The following PCDHA9 variants were observed in gnomAD, a reference collection of about 807,000 sequenced individuals.
PCDHA9 encodes protocadherin alpha-9.
Under a neutral mutation model 62.0 loss-of-function variants are expected in PCDHA9, and 62 were observed. That is an observed-to-expected ratio of 1.00 (90% CI 0.81 to 1.23). The LOEUF (loss-of-function observed/expected upper bound fraction) is 1.23. PCDHA9 is among the 50% of genes most tolerant of loss of function. PCDHA9 has a pLI of 0.00. For missense variants in PCDHA9, 1,205 were observed against 1,249.8 expected (o/e 0.96, Z 0.54); for synonymous variants, 557 against 567.6 (o/e 0.98, Z 0.27).
In PCDHA9 at chr5:140,876,316, A is replaced by G. The variant is rs782671827; in HGVS notation, c.2394+25427A>G. ...TAATGGAGAAATTTCCTATGGGATC[A>G]AAATGATTTTGCCAGTGAGTGAGAA... is the stretch of plus-strand genomic sequence containing the variant. On this transcript the variant is annotated intron_variant, in intron 1 of 3. Transcript: ENST00000532602. 4 of 1,613,952 alleles carry G rather than the reference A, an allele frequency of 2.5e-6. No individual in the cohort carries two copies. Among genetic ancestry groups the G allele is most frequent in the Admixed American group, 3.3e-5 (2 of 60,018 alleles).
chr5:140,966,740 C>T lies in PCDHA9; in HGVS notation c.2395-12209C>T, dbSNP rs782420339. 10 of 1,422,580 alleles carry T rather than the reference C, an allele frequency of 7.0e-6. No individual in the cohort carries two copies. In the Admixed American group the frequency reaches 8.4e-5, roughly 12 times the overall value. 88.1% of individuals were successfully genotyped at this position (1,422,580 alleles called of 1,614,324 possible). ...GGAAGCTGCCGCCTCCGGCCCTGCC[C>T]GGCTGCCTCCGCCGCGGCCAGTGGC... On this transcript the variant is annotated intron_variant, in intron 1 of 3. Transcript: ENST00000532602.
In PCDHA9 at chr5:140,849,467, TA is replaced by T. The variant is rs2040919541; in HGVS notation, c.975del (p.Gly326AlafsTer18). ...ACAAGATCCCAGTCGAGGCTGTCGA[TA>T]AAGGCTTCCCACCCCTGGCTGGTCA... ...AHKIPVEAVDKGFPPLAGHCT... is the reference protein window; with the variant it reads ...AHKIPVEAVDXGFPPLAGHCT... On this transcript the variant is annotated frameshift_variant, in exon 1 of 4. Transcript: ENST00000532602. LOFTEE classifies it high-confidence loss of function. 6.3e-7 allele frequency: 1 copy of T among 1,589,264 alleles called. No individual in the cohort carries two copies. Among genetic ancestry groups the T allele is most frequent in the African/African-American group, 1.4e-5 (1 of 72,844 alleles).
chr5:140,997,133 C>G (rs1554255761), intron 3 of PCDHA9, among the ~76,000 whole-genome samples: 1 of 152,092 alleles, frequency 6.6e-6, no homozygotes, highest in Non-Finnish European at 1.5e-5. Flanking sequence ...ACAATGCCCC[C>G]ACACCCCCGC....
At chr5:140,941,255 C>CTTTT (rs782490896) in intron 1 of PCDHA9, among the ~76,000 whole-genome samples, 1 of 44,504 alleles carries the variant, frequency 2.2e-5, no homozygotes, top group Non-Finnish European at 5.1e-5. Flanking sequence ...TTCTTTCTTT[C>CTTTT]TCTTTCTTTC....
intron 3 of PCDHA9, among the ~76,000 whole-genome samples, chr5:141,007,422 G>C (rs190866782): frequency 7.0e-6 from 1 of 143,592 alleles, no homozygotes; most frequent in Non-Finnish European, 1.5e-5. Flanking sequence ...AAAAAAATTA[G>C]CCAGGCATGG....
intron 1 of PCDHA9, chr5:140,851,438 T>A (rs2042059755): frequency 1.1e-6 from 1 of 928,024 alleles, no homozygotes; most frequent in African/African-American, 1.8e-5. Flanking sequence ...AGAAAACAGT[T>A]GCTCCACTTT....
intron 3 of PCDHA9, among the ~76,000 whole-genome samples, chr5:140,996,886 T>C (rs1396322934): frequency 6.6e-6 from 1 of 152,218 alleles, no homozygotes; most frequent in Non-Finnish European, 1.5e-5. Context: ...TATTTTTAAA[T>C]AAAATAGAAT....
intron 1 of PCDHA9, chr5:140,967,903 A>C: frequency 6.2e-7 from 1 of 1,614,112 alleles, no homozygotes; most frequent in Non-Finnish European, 8.5e-7. Flanking sequence ...AGAATGCTAC[A>C]CCCAACACCA....
chr5:140,854,665 T>C (rs2043184095), intron 1 of PCDHA9: 1 of 150,092 alleles, frequency 6.7e-6, no homozygotes, highest in Non-Finnish European at 1.5e-5. Context: ...AATTAACCCT[T>C]GCATAAGACC....
At chr5:140,910,641 C>T (rs1270893523) in intron 1 of PCDHA9, among the ~76,000 whole-genome samples, 1 of 152,206 alleles carries the variant, frequency 6.6e-6, no homozygotes, top group Non-Finnish European at 1.5e-5. Flanking sequence ...CTCCCTAAAC[C>T]TTTTGATCCC....
rs905171455 is a variant in PCDHA9 at position 140,851,815 on chromosome 5, A to G, written c.2394+926A>G. The G allele has an allele frequency of 3.6e-5, 34 of 956,734 alleles. 1 individual carries two copies. Among genetic ancestry groups the G allele is most frequent in the Non-Finnish European group, 5.1e-6 (4 of 790,598 alleles). The allele number at this position is 956,734 out of a possible 1,614,324, so 59.3% of individuals were successfully genotyped here. Reference sequence around the variant, plus strand: ...TTGTTCTGTCAGTAATCCATAAGACAGAAATCTGTTTTTTTAAAAATATCT... The same window carrying G: ...TTGTTCTGTCAGTAATCCATAAGACGGAAATCTGTTTTTTTAAAAATATCT... On this transcript the variant is annotated intron_variant, in intron 1 of 3. Coordinates refer to ENST00000532602, the MANE Select transcript of PCDHA9 (RefSeq NM_031857.2).
chr5:140,857,301 C>T (rs2044489449), intron 1 of PCDHA9: 2 of 1,598,676 alleles, frequency 1.3e-6, no homozygotes, highest in Non-Finnish European at 8.6e-7. Context: ...GAGAGGGTGT[C>T]GGCCTATGAG....
At chr5:140,885,203 C>A (rs1348633653) in intron 1 of PCDHA9, among the ~76,000 whole-genome samples, 2 of 151,986 alleles carry the variant, frequency 1.3e-5, no homozygotes, top group African/African-American at 2.4e-5. Flanking sequence ...TCTCATATAT[C>A]CCATGAAAAA....
intron 3 of PCDHA9, among the ~76,000 whole-genome samples, chr5:140,987,959 C>T (rs1222591572): frequency 1.3e-5 from 2 of 152,132 alleles, no homozygotes; most frequent in South Asian, 2.1e-4. Context: ...AAACCAACTC[C>T]CCATGGAAAG....
intron 1 of PCDHA9, chr5:140,858,164 T>C: frequency 6.3e-7 from 1 of 1,597,740 alleles, no homozygotes; most frequent in Non-Finnish European, 8.6e-7. Context: ...CTGCGCGGTG[T>C]CCAGCTTGCT....
intron 1 of PCDHA9, among the ~76,000 whole-genome samples, chr5:140,878,256 C>G (rs2057518420): frequency 6.6e-6 from 1 of 152,160 alleles, no homozygotes; most frequent in Admixed American, 6.5e-5. Flanking sequence ...TCCTCACGTG[C>G]TTAGGCTTTT....
At chr5:140,851,411 A>T in intron 1 of PCDHA9, 1 of 962,208 alleles carries the variant, frequency 1.0e-6, no homozygotes, top group Non-Finnish European at 1.3e-6. Flanking sequence ...ATAAGAAAGA[A>T]ACTTCCCCTA....
chr5:140,966,906 C>A, intron 1 of PCDHA9: 1 of 1,600,938 alleles, frequency 6.2e-7, no homozygotes, highest in African/African-American at 1.3e-5. Flanking sequence ...CTGCGATACT[C>A]TGTGCCAGAG....
intron 1 of PCDHA9, among the ~76,000 whole-genome samples, chr5:140,889,028 C>T (rs1015343865): frequency 4.0e-5 from 6 of 151,754 alleles, no homozygotes; most frequent in African/African-American, 7.3e-5. Flanking sequence ...CTTGGATAAC[C>T]GTAATTTGAT....
Sources: allele counts gnomAD v4.1 joint callset (sites outside exome capture counted in the v4.1 genomes callset), GRCh38; gene constraint gnomAD v4.1.1; transcripts MANE v1.5; gene names NCBI Gene and HGNC (gene_info 2026-07-23, HGNC 2026-07-21).